Variants in ADGRV1 observed in about 807,000 individuals in gnomAD.
ADGRV1 encodes the protein G-protein coupled receptor 98.
A neutral mutation model predicts 596.2 loss-of-function variants in ADGRV1; 359 were observed. That is an observed-to-expected ratio of 0.60 (90% CI 0.55 to 0.66). The LOEUF (loss-of-function observed/expected upper bound fraction) is 0.66. ADGRV1 is among the 30% of genes least tolerant of loss of function. ADGRV1 has a pLI of 0.00. For missense variants in ADGRV1, 7,274 were observed against 7,575.6 expected, an observed-to-expected ratio of 0.96 and a Z score of 1.48; for synonymous variants, 2,681 against 2,679.2, an observed-to-expected ratio of 1.00 and a Z score of -0.02.
chr5:91,005,986 C>A (rs1285353187), intron 85 of ADGRV1, among the ~76,000 whole-genome samples: 3 of 152,114 alleles, frequency 2.0e-5, no homozygotes, highest in African/African-American at 7.2e-5. Flanking sequence ...AATTCATTGG[C>A]CCCAACCTTC....
chr5:91,099,947 C>T (rs1791222657), intron 86 of ADGRV1, among the ~76,000 whole-genome samples: 1 of 152,172 alleles, frequency 6.6e-6, no homozygotes, highest in African/African-American at 2.4e-5. Flanking sequence ...CCATACCTAG[C>T]CCCAGATCAC....
intron 78 of ADGRV1, among the ~76,000 whole-genome samples, chr5:90,847,649 C>T (rs1045264745): frequency 2.2e-4 from 33 of 152,164 alleles, no homozygotes; most frequent in African/African-American, 6.0e-4. Context: ...CTGCAGGTCC[C>T]GAGCCCTGCC....
At chr5:91,002,941 T>C (rs1562073616) in intron 85 of ADGRV1, among the ~76,000 whole-genome samples, 1 of 152,216 alleles carries the variant, frequency 6.6e-6, no homozygotes, top group Non-Finnish European at 1.5e-5. Context: ...AGCCTAGTTA[T>C]CTGATACTTT....
At chr5:90,851,264 G>T (rs1026117602) in intron 79 of ADGRV1, among the ~76,000 whole-genome samples, 2 of 151,866 alleles carry the variant, frequency 1.3e-5, no homozygotes, top group Non-Finnish European at 2.9e-5. Context: ...CCACATAGGG[G>T]ATTACTGTTC....
rs758651161 is a variant in ADGRV1 at position 90,802,780 on chromosome 5, G to T, written c.14559G>T (p.Val4853=). The T allele has an allele frequency of 6.2e-7, 1 of 1,613,120 alleles. No homozygotes were observed. The highest frequency in any genetic ancestry group is 1.7e-5 in the Admixed American group (1 of 59,952). The part of the protein sequence containing the change: ...SLGSNFTLQL[V]TVMLVGGRFY... ...GCTCTAATTTCACTTTGCAACTGGT[G>T]ACTGTGATGCTTGTCGGTGGACGTT... is the stretch of plus-strand genomic sequence containing the variant. The change falls in exon 71 of 90, where the codon GTG becomes GTT. Residue 4853 remains valine (V), a synonymous_variant. Coordinates refer to ENST00000405460, the MANE Select transcript of ADGRV1 (RefSeq NM_032119.4).
intron 62 of ADGRV1, 65 bp downstream of exon 62, chr5:90,778,108 A>C (rs921539064): frequency 3.4e-6 from 5 of 1,470,092 alleles, no homozygotes; most frequent in Non-Finnish European, 4.6e-6. Flanking sequence ...CACATGTGTG[A>C]GCATATGTGT....
intron 85 of ADGRV1, among the ~76,000 whole-genome samples, chr5:90,996,753 C>T (rs1308783590): frequency 2.0e-5 from 3 of 152,210 alleles, no homozygotes; most frequent in Non-Finnish European, 2.9e-5. Context: ...GGAGGCTGTA[C>T]CCTGCAGAGC....
intron 70 of ADGRV1, among the ~76,000 whole-genome samples, chr5:90,797,557 A>G (rs1415435477): frequency 6.6e-6 from 1 of 152,190 alleles, no homozygotes; most frequent in Non-Finnish European, 1.5e-5. Flanking sequence ...TGTCAATATT[A>G]GACAGATCAA....
At position 90,840,945 on chromosome 5, in the gene ADGRV1, C is replaced by G; in HGVS notation, c.16979C>G (p.Thr5660Arg). The G allele has an allele frequency of 6.7e-7, 1 of 1,493,732 alleles. No individual in the cohort carries two copies. Among genetic ancestry groups the G allele is most frequent in the Non-Finnish European group, 8.9e-7 (1 of 1,118,934 alleles). The allele number at this position is 1,493,732 out of a possible 1,614,324, so 92.5% of individuals were successfully genotyped here. A position where few individuals can be genotyped will look rare whatever the true frequency, so the allele number is the denominator to read the frequency against. The change falls in exon 78 of 90, where the codon ACA becomes AGA. Residue 5660 changes from threonine (T) to arginine (R), a missense_variant. Thr to Arg is a moderately conservative substitution (Grantham distance 71, BLOSUM62 -1). This residue lies in a region of ADGRV1 where 1,874 missense variants were observed against 1,970.2 expected (regional missense o/e 0.95). Transcript: ENST00000405460. ...TISMKVATEN[T>R]DEQLSAMMHL... ...AGCATGAAAGTGGCCACAGAAAACA[C>G]AGATGAACAACTCAGTGCCATGATG... is the stretch of plus-strand genomic sequence containing the variant.
At chr5:90,907,515 C>G (rs1772436047) in intron 83 of ADGRV1, among the ~76,000 whole-genome samples, 1 of 152,016 alleles carries the variant, frequency 6.6e-6, no homozygotes. Context: ...TTTCTCACAC[C>G]TTCTTCCTGC....
intron 85 of ADGRV1, among the ~76,000 whole-genome samples, chr5:91,064,090 G>A (rs566242667): frequency 4.5e-4 from 68 of 152,228 alleles, no homozygotes; most frequent in African/African-American, 1.6e-3. Context: ...TTGAAATACA[G>A]GATTTTCTAT....
At chr5:90,899,007 G>A (rs1218491358) in intron 83 of ADGRV1, among the ~76,000 whole-genome samples, 1 of 152,098 alleles carries the variant, frequency 6.6e-6, no homozygotes, top group Non-Finnish European at 1.5e-5. Context: ...TGAACAGGAG[G>A]AACTGAGGAT....
chr5:90,648,775 C>A (rs1281226397), intron 17 of ADGRV1, among the ~76,000 whole-genome samples: 1 of 152,296 alleles, frequency 6.6e-6, no homozygotes, highest in African/African-American at 2.4e-5. Flanking sequence ...AAACTAAAAA[C>A]TATTATCCTG....
Position 90,756,604 on chromosome 5 carries a change from G to A in ADGRV1, c.11731G>A (p.Gly3911Arg). The A allele has an allele frequency of 6.2e-7, 1 of 1,613,566 alleles. No individual in the cohort carries two copies. The highest frequency in any genetic ancestry group is 8.5e-7 in the Non-Finnish European group (1 of 1,179,640). ...GATAGAAGAAAATGACGATCCCAGA[G>A]GAATTTTTATGTTTCATGTTACTAG... is the stretch of plus-strand genomic sequence containing the variant. ...IMIEENDDPR[G>R]IFMFHVTRGA... The change falls in exon 56 of 90, where the codon GGA becomes AGA. Residue 3911 changes from glycine (G) to arginine (R), a missense_variant. Around this residue, in one of 5 missense-constraint regions of ADGRV1, gnomAD observed 3,643 missense variants for 3,809.2 expected, o/e 0.96. Transcript: ENST00000405460.
chr5:91,115,750 C>A (rs554154162), intron 87 of ADGRV1, among the ~76,000 whole-genome samples: 22 of 152,194 alleles, frequency 1.4e-4, no homozygotes, highest in Non-Finnish European at 2.9e-4. Flanking sequence ...AGCTCGAGGC[C>A]AGTCTGGCTA....
intron 83 of ADGRV1, among the ~76,000 whole-genome samples, chr5:90,900,463 T>G (rs1445562656): frequency 6.6e-6 from 1 of 152,154 alleles, no homozygotes; most frequent in African/African-American, 2.4e-5. Flanking sequence ...CTTTACACTT[T>G]GCTTGATACC....
At chr5:91,094,270 C>T (rs191839274) in intron 86 of ADGRV1, among the ~76,000 whole-genome samples, 1 of 151,818 alleles carries the variant, frequency 6.6e-6, no homozygotes, top group Non-Finnish European at 1.5e-5. Context: ...ACCAGCCTGG[C>T]CAACATGATA....
intron 21 of ADGRV1, among the ~76,000 whole-genome samples, chr5:90,662,187 C>CT (rs5869513): frequency 0.5 from 65,747 of 130,504 alleles, 18,638 homozygotes; most frequent in African/African-American, 0.67. Flanking sequence ...GGTTAAACAA[C>CT]TTTTTTTTTT....
chr5:90,769,758 T>C (rs1479851438), intron 59 of ADGRV1, among the ~76,000 whole-genome samples: 3 of 152,200 alleles, frequency 2.0e-5, no homozygotes, highest in Admixed American at 6.5e-5. Context: ...TTTTAAAATA[T>C]ATACATTTAA....
Sources: gnomAD v4.1 joint callset for allele counts (sites outside exome capture counted in the v4.1 genomes callset) on GRCh38, gnomAD v4.1.1 for gene constraint, gnomAD v4.1.1 regional missense constraint, MANE v1.5 for transcripts, NCBI Gene and HGNC (gene_info 2026-07-23, HGNC 2026-07-21) for gene names.